The following RCC1 variants were observed in gnomAD, a reference collection of about 807,000 sequenced individuals.
RCC1 encodes regulator of chromosome condensation 1, also known as regulator of chromosome condensation.
Under a neutral mutation model 44.4 loss-of-function variants are expected in RCC1, and 11 were observed. The observed-to-expected ratio is 0.25, with a 90% CI of 0.16 to 0.41. RCC1 has a LOEUF of 0.41. Among genes scored for constraint, RCC1 ranks in the 10% least tolerant of loss-of-function variants. The pLI, the probability that RCC1 is intolerant of heterozygous loss-of-function variation, is 1.00. For synonymous variants in RCC1, 213 were observed against 216.5 expected (o/e 0.98, Z 0.14); for missense variants, 386 against 547.1 (o/e 0.71, Z 2.94).
chr1:28,514,460 CAA>C (rs1156601606), intron 3 of RCC1, among the ~76,000 whole-genome samples: 4 of 104,490 alleles, frequency 3.8e-5, no homozygotes, highest in Non-Finnish European at 8.2e-5. Context: ...AAAAAAAAAA[CAA>C]AAAAAAAACC....
intron 1 of RCC1, chr1:28,507,365 T>A (rs1260327106): frequency 1.9e-6 from 1 of 519,044 alleles, no homozygotes; most frequent in Non-Finnish European, 3.8e-6. Flanking sequence ...ACACTGATTG[T>A]CCAACGTGGA....
chr1:28,530,605 A>T, intron 5 of RCC1: 1 of 1,604,202 alleles, frequency 6.2e-7, no homozygotes, highest in Non-Finnish European at 8.5e-7. Flanking sequence ...CTGACCAGAA[A>T]ACCCGACCAG....
rs1392767066 is a variant in RCC1 at position 28,530,546 on chromosome 1, C to T, written c.73+607C>T. The T allele has an allele frequency of 6.2e-6, 10 of 1,605,582 alleles. No homozygotes were observed. The African/African-American group carries it at 8.0e-5, about 13-fold the overall frequency. ...AGACACGAGGGCCGCTGCCTCCCGC[C>T]GCGTTCCTGGCGCCCGCTCCTGCCA... On this transcript the variant is annotated intron_variant, in intron 5 of 12. Coordinates refer to ENST00000683442, the MANE Select transcript of RCC1 (RefSeq NM_001381865.2).
At position 28,531,269 on chromosome 1, in the gene RCC1, T is replaced by C. The variant is rs569815340; in HGVS notation, c.74-534T>C. On this transcript the variant is annotated intron_variant, in intron 5 of 12. Transcript: ENST00000683442. The stretch of plus-strand genomic sequence containing the variant: ...AATTAGCTTTCTTTTCTTTTTCTTT[T>C]TTTTTTTTTTTTTGAGATCAAGTAT... Among the ~76,000 whole-genome samples, 18 of 147,446 alleles carry C rather than the reference T, an allele frequency of 1.2e-4. No homozygotes were observed. The South Asian group carries it at 3.6e-3, about 30-fold the overall frequency.
chr1:28,532,342 T>C lies in RCC1; in HGVS notation c.433T>C (p.Ser145Pro). The C allele has an allele frequency of 6.2e-7, 1 of 1,613,956 alleles. No individual in the cohort carries two copies. The highest frequency in any genetic ancestry group is 8.5e-7 in the Non-Finnish European group (1 of 1,179,964). ...TGATGGCCGTGTCTTCCTCTGGGGC[T>C]CCTTCCGGGTAAGGCTGGGTCTGAA... Reference protein sequence around the residue: ...TDDGRVFLWGSFRDNNGVIGL... With the variant: ...TDDGRVFLWGPFRDNNGVIGL... Residue 145 changes from serine to proline, a missense_variant, in exon 7 of 13, where the codon TCC becomes CCC. Coordinates refer to ENST00000683442, the MANE Select transcript of RCC1 (RefSeq NM_001381865.2).
At chr1:28,534,054 T>C (rs1664386039) in intron 7 of RCC1, among the ~76,000 whole-genome samples, 2 of 151,212 alleles carry the variant, frequency 1.3e-5, no homozygotes, top group Admixed American at 1.3e-4. Context: ...ATTTTTGTAT[T>C]TTTAGTAGAG....
rs1266425903 is a variant in RCC1, at chr1:28,536,697, G to A, written c.938-50G>A. 1.9e-6 allele frequency: 3 copies of A among 1,596,462 alleles called. No individual in the cohort carries two copies. Among genetic ancestry groups the A allele is most frequent in the East Asian group, 4.5e-5 (2 of 44,632 alleles). On this transcript the variant is annotated intron_variant, in intron 11 of 12. Transcript: ENST00000683442. This position sits in a 1 kb window ranked among gnomAD's most constrained non-coding sequence, Gnocchi z 4.9. Reference sequence around the variant, plus strand: ...ACTCACCTAGCCTGCCACCCATTTTGCCTGTAGCACGCCCTCTGCTATTGC... The same window carrying A: ...ACTCACCTAGCCTGCCACCCATTTTACCTGTAGCACGCCCTCTGCTATTGC...
intron 5 of RCC1, chr1:28,530,575 T>G (rs770351122): frequency 1.2e-5 from 19 of 1,606,118 alleles, no homozygotes; most frequent in Non-Finnish European, 1.4e-5. Context: ...CCTGCCAAGG[T>G]GCCTGCGGGC....
intron 3 of RCC1, among the ~76,000 whole-genome samples, chr1:28,511,333 C>T (rs1282806095): frequency 6.6e-6 from 1 of 151,932 alleles, no homozygotes; most frequent in Non-Finnish European, 1.5e-5. Context: ...GCAGCATGAT[C>T]ACTTATTAAA....
intron 1 of RCC1, chr1:28,507,757 C>T: frequency 8.8e-6 from 3 of 339,902 alleles, no homozygotes; most frequent in Non-Finnish European, 1.7e-5. Flanking sequence ...CAGGCCCCCG[C>T]CACCACGCCA....
chr1:28,518,796 G>A (rs900501489), intron 4 of RCC1: 1 of 152,132 alleles, frequency 6.6e-6, no homozygotes, highest in African/African-American at 2.4e-5. Context: ...GGACCTTTGG[G>A]AGCCGTGTGT....
At chr1:28,510,342 G>C (rs1315447166) in intron 3 of RCC1, 2 of 152,064 alleles carry the variant, frequency 1.3e-5, no homozygotes, top group African/African-American at 4.8e-5. Flanking sequence ...TGTTTAAGAG[G>C]GCATGTTAAA....
chr1:28,522,966 A>G (rs930213234), intron 4 of RCC1, among the ~76,000 whole-genome samples: 10 of 151,294 alleles, frequency 6.6e-5, no homozygotes, highest in Admixed American at 4.0e-4. Context: ...GAGGAGACAC[A>G]GTTCCAGGCA....
chr1:28,506,597 C>G (rs1314448024), intron 1 of RCC1: 2 of 189,714 alleles, frequency 1.1e-5, no homozygotes, highest in Non-Finnish European at 2.3e-5. Context: ...GACCTCGGGA[C>G]CCGCAGGGCT....
chr1:28,514,533 T>G (rs1662769069), intron 3 of RCC1, among the ~76,000 whole-genome samples: 1 of 149,176 alleles, frequency 6.7e-6, no homozygotes, highest in Non-Finnish European at 1.5e-5. Flanking sequence ...AGGCTGAGAC[T>G]GGCGGATCAC....
chr1:28,512,201 A>G (rs553958704), intron 3 of RCC1, among the ~76,000 whole-genome samples: 1,067 of 66,190 alleles, frequency 0.016, 15 homozygotes, highest in African/African-American at 0.11. Flanking sequence ...GCTGGTCTCA[A>G]AACTCCTGAC....
intron 2 of RCC1, 178 bp downstream of exon 2, chr1:28,508,338 C>A (rs1662198378): frequency 1.4e-5 from 5 of 352,110 alleles, no homozygotes. Flanking sequence ...GGCATGTTGA[C>A]ATAACTTCAA....
At chr1:28,519,180 A>C (rs764893756) in intron 4 of RCC1, among the ~76,000 whole-genome samples, 21 of 152,166 alleles carry the variant, frequency 1.4e-4, no homozygotes, top group Admixed American at 6.6e-4. Flanking sequence ...TTAGGGTGAT[A>C]CAGGCAGAGG....
At chr1:28,508,309 A>G (rs1662195336) in intron 2 of RCC1, 149 bp downstream of exon 2, 2 of 351,808 alleles carry the variant, frequency 5.7e-6, no homozygotes, top group South Asian at 4.2e-5. Context: ...CCAAATATCG[A>G]CTTTGCTGCA....
Sources: gnomAD v4.1 joint callset for allele counts (sites outside exome capture counted in the v4.1 genomes callset) on GRCh38, gnomAD v4.1.1 for gene constraint, Gnocchi (gnomAD v3.1) non-coding constraint, MANE v1.5 for transcripts, NCBI Gene and HGNC (gene_info 2026-07-23, HGNC 2026-07-21) for gene names.